The following WDR70 variants were observed in gnomAD, a reference collection of about 807,000 sequenced individuals.
The protein encoded by WDR70 is WD repeat-containing protein 70.
Under a neutral mutation model 88.6 loss-of-function variants are expected in WDR70, and 53 were observed. That is an observed-to-expected ratio of 0.60 (90% CI 0.48 to 0.75). The LOEUF (loss-of-function observed/expected upper bound fraction) is 0.75. WDR70 is among the 30% of genes least tolerant of loss of function. The pLI, the probability that WDR70 is intolerant of heterozygous loss-of-function variation, is 0.00. For synonymous variants in WDR70, 280 were observed against 270.0 expected (o/e 1.04, Z -0.36); for missense variants, 610 against 823.2 (o/e 0.74, Z 3.17).
Position 37,457,095 on chromosome 5 carries a change from T to G in WDR70, c.686+13723T>G, listed in dbSNP as rs559386672. Among the ~76,000 whole-genome samples the G allele has an allele frequency of 2.6e-5, 4 of 152,264 alleles. No individual in the cohort carries two copies. The South Asian group carries it at 8.3e-4, about 32-fold the overall frequency. ...AGACTTTTTTTTCCGCATAACACTT[T>G]GATAATGTCTTTTTTTTTGAGACAG... On this transcript the variant is annotated intron_variant, in intron 7 of 17. Transcript: ENST00000265107.
intron 4 of WDR70, among the ~76,000 whole-genome samples, chr5:37,395,340 T>A (rs536761582): frequency 6.6e-6 from 1 of 152,282 alleles, no homozygotes; most frequent in East Asian, 1.9e-4. Context: ...ACCTGCGTTA[T>A]ATTGTTGTTG....
At chr5:37,380,924 G>A (rs982642274) in intron 2 of WDR70, among the ~76,000 whole-genome samples, 2 of 152,186 alleles carry the variant, frequency 1.3e-5, no homozygotes, top group African/African-American at 4.8e-5. Context: ...TTACAGGCAT[G>A]AGCCACCCCA....
At chr5:37,440,508 G>A (rs575415469) in intron 6 of WDR70, among the ~76,000 whole-genome samples, 1 of 152,240 alleles carries the variant, frequency 6.6e-6, no homozygotes, top group Non-Finnish European at 1.5e-5. Context: ...ACAACACCGG[G>A]TAATTTTTGT....
At chr5:37,717,475 T>A (rs894241476) in intron 13 of WDR70, among the ~76,000 whole-genome samples, 1 of 152,222 alleles carries the variant, frequency 6.6e-6, no homozygotes, top group South Asian at 2.1e-4. Flanking sequence ...CATTTCTCAG[T>A]GACTCCTTAG....
At chr5:37,751,910 CTTGGCATTTCCATGCAT>C (rs1748824581) in intron 17 of WDR70, among the ~76,000 whole-genome samples, 2 of 152,194 alleles carry the variant, frequency 1.3e-5, no homozygotes, top group Admixed American at 6.5e-5. Flanking sequence ...TCCTAAAATG[CTTGGCATTTCCATGCAT>C]TGGGCTGAGT....
At chr5:37,484,923 C>T (rs540960999) in intron 8 of WDR70, among the ~76,000 whole-genome samples, 35 of 152,320 alleles carry the variant, frequency 2.3e-4, no homozygotes, top group African/African-American at 7.9e-4. Flanking sequence ...TGTCCACTAA[C>T]ATTCAGTCAG....
chr5:37,715,965 A>G (rs4242252), intron 13 of WDR70, among the ~76,000 whole-genome samples: 123,550 of 152,042 alleles, frequency 0.81, 50,679 homozygotes, highest in East Asian at 0.89. Context: ...GGATAGTCCC[A>G]AGGATGTCTG....
intron 9 of WDR70, among the ~76,000 whole-genome samples, chr5:37,557,957 A>ACTCC: frequency 7.2e-6 from 1 of 139,252 alleles, no homozygotes; most frequent in African/African-American, 2.6e-5. Flanking sequence ...TCAAAAGAGT[A>ACTCC]TTATGTATAT....
chr5:37,725,795 T>C (rs1482370140), intron 16 of WDR70, among the ~76,000 whole-genome samples: 1 of 152,122 alleles, frequency 6.6e-6, no homozygotes, highest in Non-Finnish European at 1.5e-5. Flanking sequence ...CCCACCTCAC[T>C]TCTATTTGTC....
chr5:37,751,829 G>A (rs761792079), intron 17 of WDR70, among the ~76,000 whole-genome samples: 5 of 152,182 alleles, frequency 3.3e-5, no homozygotes, highest in South Asian at 2.1e-4. Context: ...GTATGTTTAC[G>A]AAGCACAGAA....
intron 8 of WDR70, chr5:37,505,978 T>G: frequency 6.3e-7 from 1 of 1,588,290 alleles, no homozygotes; most frequent in Non-Finnish European, 8.6e-7. Flanking sequence ...TCCTCAAAAT[T>G]ACACAGTTTC....
intron 8 of WDR70, among the ~76,000 whole-genome samples, chr5:37,486,929 T>A (rs958291755): frequency 5.9e-5 from 9 of 152,150 alleles, no homozygotes; most frequent in African/African-American, 1.9e-4. Context: ...GTTCACTCTG[T>A]TGAGAGTTTC....
At chr5:37,441,413 C>T (rs1157555807) in intron 6 of WDR70, among the ~76,000 whole-genome samples, 1 of 152,026 alleles carries the variant, frequency 6.6e-6, no homozygotes, top group Non-Finnish European at 1.5e-5. Flanking sequence ...TTTGCAAGTG[C>T]TAATTGAAAT....
chr5:37,408,190 G>C (rs1413426608), intron 5 of WDR70, among the ~76,000 whole-genome samples: 73 of 152,158 alleles, frequency 4.8e-4, no homozygotes, highest in Non-Finnish European at 4.4e-5. Flanking sequence ...AGAGGGACAA[G>C]GTCAAGCGCA....
intron 10 of WDR70, among the ~76,000 whole-genome samples, chr5:37,684,401 C>G (rs550330785): frequency 2.6e-5 from 4 of 152,180 alleles, no homozygotes; most frequent in Non-Finnish European, 5.9e-5. Context: ...AGTTCTTGCA[C>G]TGGATCTTTC....
Position 37,541,583 on chromosome 5 carries a change from C to T in WDR70, c.917+24993C>T, listed in dbSNP as rs565567451. On this transcript the variant is annotated intron_variant, in intron 9 of 17. Transcript: ENST00000265107. ...AAGCAGAAAAATAATGTTTTTTTTC[C>T]ATAGTCAGAAGAGAGAAGAAATATG... Among the ~76,000 whole-genome samples, 13 of 151,766 alleles carry T rather than the reference C, an allele frequency of 8.6e-5. 1 individual carries two copies. Among genetic ancestry groups the T allele is most frequent in the Admixed American group, 3.3e-4 (5 of 15,242 alleles).
intron 9 of WDR70, among the ~76,000 whole-genome samples, chr5:37,604,849 G>A (rs1431075240): frequency 1.3e-5 from 2 of 152,150 alleles, no homozygotes; most frequent in Non-Finnish European, 2.9e-5. Context: ...TCAATTTGAT[G>A]ACAACATGAT....
intron 10 of WDR70, among the ~76,000 whole-genome samples, chr5:37,605,803 A>T (rs1390470158): frequency 6.6e-6 from 1 of 152,198 alleles, no homozygotes; most frequent in Admixed American, 6.5e-5. Flanking sequence ...GAATCCATAT[A>T]AATAATGAAT....
intron 9 of WDR70, among the ~76,000 whole-genome samples, chr5:37,550,913 T>G (rs1341837498): frequency 6.6e-6 from 1 of 152,210 alleles, no homozygotes. Flanking sequence ...TTGAGGTTAC[T>G]ATGAGGCTTG....
Sources: gnomAD v4.1 joint callset for allele counts (sites outside exome capture counted in the v4.1 genomes callset) on GRCh38, gnomAD v4.1.1 for gene constraint, MANE v1.5 for transcripts, NCBI Gene and HGNC (gene_info 2026-07-23, HGNC 2026-07-21) for gene names.